The following PRDM2 variants were observed in gnomAD, a reference collection of about 807,000 sequenced individuals.
The protein encoded by PRDM2 is PR/SET domain 2, also known as PR domain zinc finger protein 2.
A neutral mutation model predicts 130.0 loss-of-function variants in PRDM2; 30 were observed. That is an observed-to-expected ratio of 0.23 (90% CI 0.17 to 0.31). The LOEUF (loss-of-function observed/expected upper bound fraction) is 0.31. PRDM2 is among the 10% of genes least tolerant of loss of function. The pLI is 1.00. For missense variants in PRDM2, 2,011 were observed against 2,108.4 expected (o/e 0.95, Z 0.90); for synonymous variants, 871 against 782.4 (o/e 1.11, Z -1.89).
intron 2 of PRDM2, among the ~76,000 whole-genome samples, chr1:13,716,376 A>G (rs898157891): frequency 4.0e-5 from 6 of 151,890 alleles, no homozygotes; most frequent in Non-Finnish European, 8.8e-5. Flanking sequence ...GGTGCAGCAC[A>G]CCAGCATGGC....
At chr1:13,754,475 T>A (rs531895261) in intron 6 of PRDM2, among the ~76,000 whole-genome samples, 2 of 152,358 alleles carry the variant, frequency 1.3e-5, no homozygotes, top group African/African-American at 4.8e-5. Context: ...ACAGTCAGAA[T>A]TTGAACCAGT....
At chr1:13,742,788 A>G (rs1353788217) in intron 5 of PRDM2, among the ~76,000 whole-genome samples, 1 of 152,216 alleles carries the variant, frequency 6.6e-6, no homozygotes, top group African/African-American at 2.4e-5. Context: ...GTAAGAAACT[A>G]TCAGTAGGTA....
chr1:13,741,065 C>T (rs1643423555), intron 4 of PRDM2, among the ~76,000 whole-genome samples: 1 of 152,186 alleles, frequency 6.6e-6, no homozygotes, highest in Non-Finnish European at 1.5e-5. Context: ...GTCTGTCAGC[C>T]AGTTGATTCT....
At chr1:13,716,734 T>C (rs1340993241) in intron 2 of PRDM2, among the ~76,000 whole-genome samples, 1 of 152,220 alleles carries the variant, frequency 6.6e-6, no homozygotes, top group Non-Finnish European at 1.5e-5. Context: ...TCTTATTTTC[T>C]GGTTTCAATA....
At chr1:13,776,729 A>G (rs545242154) in intron 7 of PRDM2, among the ~76,000 whole-genome samples, 41 of 152,298 alleles carry the variant, frequency 2.7e-4, no homozygotes, top group Admixed American at 2.2e-3. Context: ...ACAGCTGATC[A>G]TGCCCTCCTT....
At chr1:13,756,927 G>A (rs1048242606) in intron 6 of PRDM2, among the ~76,000 whole-genome samples, 1 of 152,206 alleles carries the variant, frequency 6.6e-6, no homozygotes, top group Non-Finnish European at 1.5e-5. Flanking sequence ...TGCTTTGGCC[G>A]AGTTCACACA....
intron 9 of PRDM2, 60 bp from the exon 10 acceptor site, chr1:13,823,099 C>T: frequency 2.7e-6 from 4 of 1,501,768 alleles, no homozygotes; most frequent in Non-Finnish European, 2.7e-6. Flanking sequence ...GCATGGACCA[C>T]CATGGTCGGC....
intron 2 of PRDM2, among the ~76,000 whole-genome samples, chr1:13,721,738 T>C (rs964112729): frequency 1.3e-5 from 2 of 152,220 alleles, no homozygotes; most frequent in African/African-American, 2.4e-5. Flanking sequence ...CCTTTCCTCT[T>C]ATGTTAGGAT....
At chr1:13,733,798 A>G (rs1643183056) in intron 4 of PRDM2, among the ~76,000 whole-genome samples, 1 of 152,228 alleles carries the variant, frequency 6.6e-6, no homozygotes, top group Non-Finnish European at 1.5e-5. Context: ...AAGGAGCTCC[A>G]TGGTGTGACT....
intron 1 of PRDM2, among the ~76,000 whole-genome samples, chr1:13,710,347 A>G (rs879421184): frequency 3.3e-5 from 5 of 152,192 alleles, no homozygotes; most frequent in Non-Finnish European, 5.9e-5. Flanking sequence ...GGTTGTGTTG[A>G]CACTTTATGG....
chr1:13,804,131 C>T (rs2100738925), intron 8 of PRDM2, among the ~76,000 whole-genome samples: 1 of 152,228 alleles, frequency 6.6e-6, no homozygotes, highest in Middle Eastern at 3.4e-3. Flanking sequence ...GTATAACAGC[C>T]CATCTGCTGG....
chr1:13,752,777 T>C (rs1231749645), intron 6 of PRDM2, among the ~76,000 whole-genome samples: 5 of 152,320 alleles, frequency 3.3e-5, no homozygotes, highest in Non-Finnish European at 7.4e-5. Flanking sequence ...ACGGGATGCC[T>C]GGGCGTTTAC....
At chr1:13,702,864 G>A (rs1642108127) in intron 1 of PRDM2, among the ~76,000 whole-genome samples, 1 of 152,180 alleles carries the variant, frequency 6.6e-6, no homozygotes, top group South Asian at 2.1e-4. Flanking sequence ...AATGGGGAGT[G>A]GAAGAGGAGG....
At chr1:13,714,710 T>C (rs886228683) in intron 1 of PRDM2, among the ~76,000 whole-genome samples, 4 of 152,192 alleles carry the variant, frequency 2.6e-5, no homozygotes, top group African/African-American at 9.7e-5. Context: ...GAAGGAAAGA[T>C]AAGTTATAAG....
Position 13,778,617 on chromosome 1 carries a change from G to A in PRDM2, c.822G>A (p.Glu274=), listed in dbSNP as rs1644533613. The A allele has an allele frequency of 2.5e-6, 4 of 1,613,508 alleles. No homozygotes were observed. The East Asian group carries it at 8.9e-5, about 36-fold the overall frequency. ...TGGGGGAAGAGGAGGAGGAGGAAGA[G>A]GAGGAGGATGAAGAAGAAGAAGAAG... is the stretch of plus-strand genomic sequence containing the variant. The part of the protein sequence containing the change: ...NDLGEEEEEE[E]EEDEEEEEDD... Residue 274 remains glutamate, a synonymous_variant, in exon 8 of 10, where the codon GAG becomes GAA. Coordinates refer to ENST00000311066, the MANE Select transcript of PRDM2 (RefSeq NM_001393986.1).
intron 1 of PRDM2, among the ~76,000 whole-genome samples, chr1:13,704,116 C>T (rs1427810906): frequency 2.0e-5 from 3 of 152,036 alleles, no homozygotes; most frequent in South Asian, 2.1e-4. Flanking sequence ...AATCTTTAGT[C>T]GGAATGTATT....
At chr1:13,786,474 A>T (rs200784953) in intron 8 of PRDM2, 2 of 1,604,222 alleles carry the variant, frequency 1.2e-6, no homozygotes, top group Non-Finnish European at 8.5e-7. Context: ...ATGTAAGGTT[A>T]TGTTCTGTTG....
At chr1:13,783,920 G>A (rs1276409140) in intron 8 of PRDM2, among the ~76,000 whole-genome samples, 1 of 152,056 alleles carries the variant, frequency 6.6e-6, no homozygotes, top group African/African-American at 2.4e-5. Context: ...AAGTGTGGAC[G>A]CGACTGCCAT....
intron 1 of PRDM2, among the ~76,000 whole-genome samples, chr1:13,701,562 G>A (rs1392923756): frequency 2.6e-5 from 4 of 152,026 alleles, no homozygotes; most frequent in African/African-American, 9.7e-5. Context: ...TTTTGAGATG[G>A]TCCAAACTGC....
Sources: gnomAD v4.1 joint callset for allele counts (sites outside exome capture counted in the v4.1 genomes callset) on GRCh38, gnomAD v4.1.1 for gene constraint, MANE v1.5 for transcripts, NCBI Gene and HGNC (gene_info 2026-07-23, HGNC 2026-07-21) for gene names.